Variants in IKBKB observed in about 807,000 individuals in gnomAD.
The protein encoded by IKBKB is inhibitor of nuclear factor kappa B kinase subunit beta.
A neutral mutation model predicts 113.6 loss-of-function variants in IKBKB; 42 were observed. The observed-to-expected ratio is 0.37, with a 90% confidence interval of 0.29 to 0.48. The LOEUF (loss-of-function observed/expected upper bound fraction) is 0.48. Among genes scored for constraint, IKBKB ranks in the 20% least tolerant of loss-of-function variants. The pLI is 0.99. For synonymous variants in IKBKB, 296 were observed against 361.3 expected, an observed-to-expected ratio of 0.82 and a Z score of 2.05; for missense variants, 673 against 939.7, an observed-to-expected ratio of 0.72 and a Z score of 3.71.
rs2272731 is a variant in IKBKB at position 42,271,334 on chromosome 8, C to T, written c.-154C>T. The T allele has an allele frequency of 2.6e-6, 3 of 1,151,780 alleles. No individual in the cohort carries two copies. The highest frequency in any genetic ancestry group is 2.0e-5 in the Admixed American group (1 of 50,432). 71.3% of individuals were successfully genotyped at this position (1,151,780 alleles called of 1,614,324 possible). The stretch of plus-strand genomic sequence containing the variant: ...CAGAGCAGGAAGTGTTTGAGGAAGT[C>T]GCGCCGCGCTGCCCGCGTTAAGATT... On this transcript the variant is annotated 5_prime_UTR_variant, in exon 1 of 22. Coordinates refer to ENST00000520810, the MANE Select transcript of IKBKB (RefSeq NM_001556.3).
intron 12 of IKBKB, 80 bp from the exon 13 acceptor site, chr8:42,318,470 TAG>T (rs1243245404): frequency 6.7e-7 from 1 of 1,488,598 alleles, no homozygotes; most frequent in Non-Finnish European, 9.2e-7. Context: ...AAAGTGCCAG[TAG>T]TGTCGAAGGC....
chr8:42,291,678 C>T (rs1045388327), intron 4 of IKBKB, among the ~76,000 whole-genome samples: 2 of 152,010 alleles, frequency 1.3e-5, no homozygotes, highest in African/African-American at 4.8e-5. Context: ...TTTTTTTTTC[C>T]ACTTTGGAAA....
chr8:42,321,099 G>A, intron 16 of IKBKB: 1 of 358,622 alleles, frequency 2.8e-6, no homozygotes, highest in South Asian at 5.6e-5. Flanking sequence ...GCCATAATCT[G>A]TAAAGGCTGT....
intron 19 of IKBKB, among the ~76,000 whole-genome samples, chr8:42,323,014 T>C (rs1373537204): frequency 6.6e-6 from 1 of 152,236 alleles, no homozygotes; most frequent in South Asian, 2.1e-4. Context: ...GGGGAGGGAC[T>C]GTCCTTGCTT....
intron 5 of IKBKB, among the ~76,000 whole-genome samples, chr8:42,304,221 T>A (rs1816035758): frequency 6.6e-6 from 1 of 152,258 alleles, no homozygotes; most frequent in Non-Finnish European, 1.5e-5. Context: ...CATCTCCAAA[T>A]CTATCTCCAT....
At chr8:42,272,495 G>T in intron 2 of IKBKB, 1 of 472,228 alleles carries the variant, frequency 2.1e-6, no homozygotes. Flanking sequence ...AATATATACT[G>T]ATATTATATG....
intron 13 of IKBKB, 109 bp from the exon 14 acceptor site, chr8:42,319,161 T>C: frequency 1.0e-6 from 1 of 982,902 alleles, no homozygotes; most frequent in Non-Finnish European, 1.5e-6. Context: ...ATGATGATAA[T>C]AATTATAGCA....
At position 42,322,420 on chromosome 8, in the gene IKBKB, G is replaced by A; in HGVS notation, c.1912G>A (p.Glu638Lys). ...KVEEVVSLMN[E>K]DEKTVVRLQE... ...GGAAGAGGTGGTGAGCTTAATGAATGAGGATGAGAAGACTGTTGTCCGGCT... is the reference window on the plus strand; with the variant it reads ...GGAAGAGGTGGTGAGCTTAATGAATAAGGATGAGAAGACTGTTGTCCGGCT... Residue 638 changes from glutamate to lysine, a missense_variant, in exon 19 of 22, where the codon GAG becomes AAG. This residue lies in a region of IKBKB where 506 missense variants were observed against 638.7 expected (regional missense o/e 0.79). Transcript: ENST00000520810. The A allele has an allele frequency of 1.2e-5, 20 of 1,614,032 alleles. No homozygotes were observed. Among genetic ancestry groups the A allele is most frequent in the Non-Finnish European group, 1.7e-5 (20 of 1,180,018 alleles).
At chr8:42,274,789 CCCCCCCCCCCCCGCCAT>C (rs1808653352) in intron 2 of IKBKB, among the ~76,000 whole-genome samples, 1 of 26,462 alleles carries the variant, frequency 3.8e-5, no homozygotes, top group Non-Finnish European at 7.7e-5. Flanking sequence ...CCGGCGCGCC[CCCCCCCCCCCCCGCCAT>C]CCCAGCCTCC....
chr8:42,273,443 A>C (rs1808256722), intron 2 of IKBKB, among the ~76,000 whole-genome samples: 1 of 151,222 alleles, frequency 6.6e-6, no homozygotes, highest in Non-Finnish European at 1.5e-5. Flanking sequence ...TATATATTTA[A>C]AATATTTGCT....
intron 3 of IKBKB, 89 bp downstream of exon 3, chr8:42,288,817 C>T: frequency 9.6e-7 from 1 of 1,043,166 alleles, no homozygotes; most frequent in African/African-American, 1.6e-5. Flanking sequence ...GGGTGCGTGG[C>T]TCACGCCTGT....
chr8:42,310,361 G>C (rs1008963589), intron 8 of IKBKB, among the ~76,000 whole-genome samples: 1 of 152,156 alleles, frequency 6.6e-6, no homozygotes, highest in African/African-American at 2.4e-5. Context: ...GGCACCTGCT[G>C]TCTTCCAAGA....
chr8:42,311,518 G>A (rs1367806871), intron 8 of IKBKB, among the ~76,000 whole-genome samples: 10 of 140,720 alleles, frequency 7.1e-5, no homozygotes, highest in East Asian at 4.2e-4. Flanking sequence ...CCAAGATTGC[G>A]CTGTTGCACT....
chr8:42,317,915 G>C (rs887148380), intron 12 of IKBKB, 144 bp downstream of exon 12: 1 of 657,788 alleles, frequency 1.5e-6, no homozygotes, highest in African/African-American at 1.8e-5. Context: ...TCCTTATTTA[G>C]GACATGCAAG....
At chr8:42,300,522 C>T (rs895840610) in intron 5 of IKBKB, among the ~76,000 whole-genome samples, 9 of 152,164 alleles carry the variant, frequency 5.9e-5, no homozygotes, top group African/African-American at 2.2e-4. Flanking sequence ...GCTTTCTTCT[C>T]GGAAGTCTTG....
intron 14 of IKBKB, 34 bp downstream of exon 14, chr8:42,319,455 C>A (rs200297728): frequency 1.9e-6 from 3 of 1,612,962 alleles, no homozygotes; most frequent in Non-Finnish European, 2.5e-6. Flanking sequence ...TTTAAAGACA[C>A]CATTTTTTTT....
intron 2 of IKBKB, among the ~76,000 whole-genome samples, chr8:42,272,895 G>A (rs1024437844): frequency 2.7e-5 from 4 of 145,672 alleles, no homozygotes; most frequent in African/African-American, 1.0e-4. Flanking sequence ...AGCCAAGATT[G>A]CGCTACTGCA....
chr8:42,317,221 A>AG (rs1480905083), intron 11 of IKBKB: 1 of 451,660 alleles, frequency 2.2e-6, no homozygotes, highest in Non-Finnish European at 4.1e-6. Context: ...AAAAAAAAAA[A>AG]AAAAAGGATG....
At chr8:42,309,054 G>A (rs753133075) in intron 8 of IKBKB, 29 bp downstream of exon 8, 1 of 1,606,908 alleles carries the variant, frequency 6.2e-7, no homozygotes, top group South Asian at 1.1e-5. Flanking sequence ...CCTGGATGGA[G>A]GAGGGAGCCT....
Sources: gnomAD v4.1 joint callset for allele counts (sites outside exome capture counted in the v4.1 genomes callset) on GRCh38, gnomAD v4.1.1 for gene constraint, gnomAD v4.1.1 regional missense constraint, MANE v1.5 for transcripts, NCBI Gene and HGNC (gene_info 2026-07-23, HGNC 2026-07-21) for gene names.